GPS1: variants seen among roughly 807,000 people sequenced by gnomAD.
GPS1 encodes the protein COP9 signalosome complex subunit 1.
GPS1 carries 11 observed loss-of-function variants against 60.0 expected under a neutral mutation model. The ratio of observed to expected loss-of-function variants is 0.18; its 90% CI spans 0.12 to 0.30. The LOEUF is 0.30. GPS1 is among the 10% of genes least tolerant of loss of function. The pLI is 1.00. For synonymous variants in GPS1, 343 were observed against 269.8 expected, an observed-to-expected ratio of 1.27 and a Z score of -2.66; for missense variants, 543 against 669.2, an observed-to-expected ratio of 0.81 and a Z score of 2.08.
chr17:82,055,126 G>C (rs946713639), intron 5 of GPS1, 36 bp from the exon 6 acceptor site: 1 of 1,563,930 alleles, frequency 6.4e-7, no homozygotes. Flanking sequence ...AGGAAATGTG[G>C]AGCATGGGCC....
Position 82,054,654 on chromosome 17 carries a change from C to T in GPS1, c.453C>T (p.Asn151=), listed in dbSNP as rs1009050183. The change falls in exon 4 of 13, where the codon AAC becomes AAT. Residue 151 remains asparagine (N), a synonymous_variant. Transcript: ENST00000578552. ...CAGACCTGAAGAACTACAAGGGCAA[C>T]TCCATCAAAGAGAGCATCCGGCGCG... ...LDTDLKNYKG[N]SIKESIRRGH... 8.1e-6 allele frequency: 13 copies of T among 1,610,880 alleles called. No homozygotes were observed. The highest frequency in any genetic ancestry group is 1.7e-5 in the Admixed American group (1 of 59,980).
rs1366821025 is a variant in GPS1, at chr17:82,057,325, G to A, written c.*198G>A. 1 of 760,446 alleles carries A rather than the reference G, an allele frequency of 1.3e-6. No homozygotes were observed. Among genetic ancestry groups the A allele is most frequent in the Non-Finnish European group, 2.3e-6 (1 of 435,298 alleles). The allele number at this position is 760,446 out of a possible 1,614,324, so 47.1% of individuals were successfully genotyped here. ...CCCTTCCTGGAAGGAGAGGCCTGCA[G>A]GGCTCGACCCTGTGGGTTTCTGTCC... On this transcript the variant is annotated 3_prime_UTR_variant, in exon 13 of 13. Transcript: ENST00000578552.
At position 82,057,434 on chromosome 17, in the gene GPS1, A is replaced by G. The variant is rs977456676; in HGVS notation, c.*307A>G. On this transcript the variant is annotated 3_prime_UTR_variant, in exon 13 of 13. Transcript: ENST00000578552. ...GTTCCCGCCTCAGTCAGGTGCAGAC[A>G]AGTGGGCGGTGTCCATTAAAGAGCA... 1.4e-5 allele frequency: 8 copies of G among 580,492 alleles called. No individual in the cohort carries two copies. Among genetic ancestry groups the G allele is most frequent in the African/African-American group, 7.3e-5 (4 of 54,586 alleles). 36.0% of individuals were successfully genotyped at this position (580,492 alleles called of 1,614,324 possible).
intron 3 of GPS1, 21 bp from the exon 4 acceptor site, chr17:82,054,489 G>A (rs1335383523): frequency 4.1e-6 from 6 of 1,480,738 alleles, no homozygotes; most frequent in Non-Finnish European, 5.4e-6. Context: ...CCGCCATCCT[G>A]ATGGCCAGGT....
intron 1 of GPS1, chr17:82,052,719 C>T: frequency 3.9e-6 from 2 of 512,720 alleles, no homozygotes; most frequent in Non-Finnish European, 3.5e-6. Flanking sequence ...TGTGTTAAGC[C>T]GAGGTCCTGG....
upstream of GPS1, chr17:82,051,331 G>C: frequency 6.9e-7 from 1 of 1,456,498 alleles, no homozygotes; most frequent in Non-Finnish European, 9.0e-7. The surrounding 1 kb of genome is among the most constrained non-coding windows in gnomAD (Gnocchi z 4.1). Context: ...CCCCGTCGGT[G>C]AAGATAAACG....
At chr17:82,053,079 GA>G (rs1285889519) in intron 1 of GPS1, 194 bp from the exon 2 acceptor site, 1 of 425,026 alleles carries the variant, frequency 2.4e-6, no homozygotes, top group Non-Finnish European at 4.2e-6. Context: ...ACCCCTCCCT[GA>G]TGTGGTGGCA....
chr17:82,051,099 G>A (rs1026752982), upstream of GPS1: 8 of 1,359,494 alleles, frequency 5.9e-6, no homozygotes, highest in Non-Finnish European at 7.5e-6. The surrounding 1 kb of genome is among the most constrained non-coding windows in gnomAD (Gnocchi z 4.1). Flanking sequence ...AGTGTGAGAG[G>A]CTGGTGGGGA....
chr17:82,055,702 C>T, intron 6 of GPS1, 38 bp from the exon 7 acceptor site: 1 of 1,347,664 alleles, frequency 7.4e-7, no homozygotes, highest in South Asian at 1.3e-5. Context: ...GGGTCTTACC[C>T]CCTCTCCCCC....
At chr17:82,056,798 C>G (rs376813940) in intron 11 of GPS1, 32 bp downstream of exon 11, 11 of 1,606,846 alleles carry the variant, frequency 6.8e-6, no homozygotes, top group Middle Eastern at 3.3e-4. Context: ...GTGGGGGCAG[C>G]TGGGGGTGAG....
chr17:82,055,482 G>T (rs1413778405), intron 6 of GPS1: 1 of 609,580 alleles, frequency 1.6e-6, no homozygotes, highest in South Asian at 2.0e-5. Context: ...CTGAACTGGG[G>T]TGTCCTTTGC....
Position 82,053,910 on chromosome 17 carries a change from A to G in GPS1, c.169A>G (p.Ile57Val), listed in dbSNP as rs1272522374. Residue 57 changes from isoleucine (I) to valine (V), a missense_variant, in exon 3 of 13, where the codon ATC becomes GTC. Coordinates refer to ENST00000578552, the MANE Select transcript of GPS1 (RefSeq NM_001321092.3). ...GGCCAGCTACAGCGGCCTGATGCGC[A>G]TCGAACGGCTGCAGTTCATTGCTGA... ...YAASYSGLMR[I>V]ERLQFIADHC... The G allele has an allele frequency of 1.9e-6, 3 of 1,612,718 alleles. No individual in the cohort carries two copies. The highest frequency in any genetic ancestry group is 1.7e-5 in the Admixed American group (1 of 60,014).
intron 1 of GPS1, 127 bp downstream of exon 1, chr17:82,052,091 C>T (rs2030810312): frequency 1.2e-6 from 1 of 854,990 alleles, no homozygotes; most frequent in African/African-American, 1.8e-5. Flanking sequence ...TGCCGGGCCT[C>T]CGCGGGCAGC....
intron 3 of GPS1, 184 bp from the exon 4 acceptor site, chr17:82,054,325 TG>T: frequency 1.1e-6 from 1 of 885,024 alleles, no homozygotes; most frequent in Non-Finnish European, 1.7e-6. Context: ...TGTAGGCTCC[TG>T]GGGCAGCAGT....
upstream of GPS1, chr17:82,051,149 G>A (rs1164975105): frequency 1.5e-6 from 2 of 1,315,344 alleles, no homozygotes; most frequent in Non-Finnish European, 1.9e-6. This position sits in a 1 kb window ranked among gnomAD's most constrained non-coding sequence, Gnocchi z 4.1. Context: ...CGCAGGCCGC[G>A]TGACCTGGGC....
intron 2 of GPS1, chr17:82,053,662 C>T (rs1839108489): frequency 3.4e-6 from 2 of 592,500 alleles, no homozygotes; most frequent in Non-Finnish European, 5.8e-6. Context: ...GGGTCCCACT[C>T]CTGAGGCTCC....
chr17:82,057,407 C>T lies in GPS1; in HGVS notation c.*280C>T, dbSNP rs753704934. ...AGTGGCACCATTTCCCAGACCCCTC[C>T]TGTTCCCGCCTCAGTCAGGTGCAGA... On this transcript the variant is annotated 3_prime_UTR_variant, in exon 13 of 13. Coordinates refer to ENST00000578552, the MANE Select transcript of GPS1 (RefSeq NM_001321092.3). 2 of 639,192 alleles carry T rather than the reference C, an allele frequency of 3.1e-6. No homozygotes were observed. Among genetic ancestry groups the T allele is most frequent in the South Asian group, 3.0e-5 (2 of 65,770 alleles). 39.6% of individuals were successfully genotyped at this position (639,192 alleles called of 1,614,324 possible).
chr17:82,052,410 GGGACT>G, intron 1 of GPS1: 1 of 1,611,552 alleles, frequency 6.2e-7, no homozygotes, highest in Non-Finnish European at 8.5e-7. Context: ...GGCACGGCCG[GGGACT>G]TCAGCCTGAG....
At chr17:82,056,588 C>G (rs2032839664) in intron 10 of GPS1, 38 bp downstream of exon 10, 1 of 1,612,496 alleles carries the variant, frequency 6.2e-7, no homozygotes. Flanking sequence ...GGCAGGCGGG[C>G]ATGCAGGGGG....
Sources: gnomAD v4.1 joint callset for allele counts on GRCh38, gnomAD v4.1.1 for gene constraint, Gnocchi (gnomAD v3.1) non-coding constraint, MANE v1.5 for transcripts, NCBI Gene and HGNC (gene_info 2026-07-23, HGNC 2026-07-21) for gene names.